TMEM232: variants seen among roughly 807,000 people sequenced by gnomAD.
The protein encoded by TMEM232 is transmembrane protein 232.
TMEM232 carries 80 observed loss-of-function variants against 78.8 expected under a neutral mutation model. The ratio of observed to expected loss-of-function variants is 1.01; its 90% confidence interval spans 0.85 to 1.22. TMEM232 has a LOEUF of 1.22. Among genes scored for constraint, TMEM232 ranks in the 50% most tolerant of loss-of-function variants. The probability of loss-of-function intolerance (pLI) is 0.00; values close to 1 mark genes in which losing one functional copy is unlikely to be tolerated. For missense variants in TMEM232, 881 were observed against 742.2 expected (o/e 1.19, Z -2.17); for synonymous variants, 297 against 254.3 (o/e 1.17, Z -1.60).
chr5:110,646,976 T>A (rs1370803087), intron 2 of TMEM232, among the ~76,000 whole-genome samples: 2 of 151,766 alleles, frequency 1.3e-5, no homozygotes, highest in Non-Finnish European at 3.0e-5. Flanking sequence ...TTCAACTATT[T>A]TAAATTATCA....
At chr5:110,704,941 G>A (rs1038546418) in intron 1 of TMEM232, among the ~76,000 whole-genome samples, 1 of 152,066 alleles carries the variant, frequency 6.6e-6, no homozygotes, top group Admixed American at 6.6e-5. Context: ...CCTTATTTTT[G>A]TGACTGGAGG....
chr5:110,638,834 C>T (rs570283339), intron 4 of TMEM232, among the ~76,000 whole-genome samples: 14 of 152,120 alleles, frequency 9.2e-5, no homozygotes, highest in Admixed American at 6.5e-5. Context: ...AGGCCACACA[C>T]ATCGTGGTGG....
intron 11 of TMEM232, among the ~76,000 whole-genome samples, chr5:110,543,631 A>G (rs1399879652): frequency 6.6e-6 from 1 of 151,972 alleles, no homozygotes; most frequent in African/African-American, 2.4e-5. Context: ...AGTTTTATGG[A>G]GGTTAACGCA....
At chr5:110,485,434 C>A (rs918106825) in intron 12 of TMEM232, among the ~76,000 whole-genome samples, 1 of 152,036 alleles carries the variant, frequency 6.6e-6, no homozygotes, top group Non-Finnish European at 1.5e-5. Context: ...TATTTGTAGT[C>A]TTTTAATCCC....
downstream of TMEM232, among the ~76,000 whole-genome samples, chr5:110,418,718 C>T (rs201189141): frequency 7.2e-5 from 11 of 152,082 alleles, no homozygotes; most frequent in East Asian, 9.6e-4. Flanking sequence ...GGTAGAAATA[C>T]GCTAATCAGA....
At chr5:110,454,966 C>T (rs311731) in intron 12 of TMEM232, among the ~76,000 whole-genome samples, 1 of 149,728 alleles carries the variant, frequency 6.7e-6, no homozygotes, top group African/African-American at 2.4e-5. Context: ...AACAGGGAGA[C>T]AATACAAATT....
At chr5:110,470,886 G>A (rs1246056385) in intron 12 of TMEM232, among the ~76,000 whole-genome samples, 1 of 151,994 alleles carries the variant, frequency 6.6e-6, no homozygotes, top group Non-Finnish European at 1.5e-5. Flanking sequence ...CCAGTAACAG[G>A]TCCCAAAGAA....
intron 11 of TMEM232, among the ~76,000 whole-genome samples, chr5:110,562,360 T>A (rs1008102175): frequency 7.9e-5 from 12 of 152,088 alleles, no homozygotes; most frequent in African/African-American, 2.2e-4. Context: ...AGTGTTCTTA[T>A]CTCTGCATGG....
chr5:110,525,565 A>G (rs1581078310), intron 12 of TMEM232, among the ~76,000 whole-genome samples: 1 of 152,120 alleles, frequency 6.6e-6, no homozygotes, highest in Non-Finnish European at 1.5e-5. Flanking sequence ...ATGGAAATAC[A>G]TGCCATATTG....
chr5:110,680,412 A>C (rs1321008140), intron 1 of TMEM232, among the ~76,000 whole-genome samples: 1 of 150,468 alleles, frequency 6.6e-6, no homozygotes, highest in African/African-American at 2.4e-5. Context: ...AAAAAAAAAA[A>C]AAAAAAAAAG....
At chr5:110,674,742 A>T (rs1305393193) in intron 1 of TMEM232, among the ~76,000 whole-genome samples, 1 of 152,242 alleles carries the variant, frequency 6.6e-6, no homozygotes, top group Admixed American at 6.5e-5. Flanking sequence ...TTTGCCATGT[A>T]TTCAGCACTG....
At chr5:110,585,027 T>C (rs1263584787) in intron 10 of TMEM232, among the ~76,000 whole-genome samples, 1 of 152,146 alleles carries the variant, frequency 6.6e-6, no homozygotes. Flanking sequence ...ACAGGTGGAT[T>C]TTAGACCACT....
intron 10 of TMEM232, among the ~76,000 whole-genome samples, chr5:110,583,982 A>G (rs552664002): frequency 1.1e-3 from 161 of 151,196 alleles, no homozygotes; most frequent in Middle Eastern, 3.4e-3. Context: ...AAAAAAAAAA[A>G]AAGAAGAAAA....
chr5:110,559,723 G>A (rs1003688458), intron 11 of TMEM232, among the ~76,000 whole-genome samples: 1 of 152,256 alleles, frequency 6.6e-6, no homozygotes, highest in Non-Finnish European at 1.5e-5. Context: ...TGAGAACAAA[G>A]TACCACAAAA....
intron 8 of TMEM232, among the ~76,000 whole-genome samples, chr5:110,611,269 T>C (rs978153983): frequency 6.6e-6 from 1 of 152,182 alleles, no homozygotes; most frequent in African/African-American, 2.4e-5. Context: ...TCTTGATTTT[T>C]ACTGCTTAGG....
rs61351197 is a variant in TMEM232, at chr5:110,473,890, C to CAA, written c.1704-48976_1704-48975dup. 9.5e-3 allele frequency among the ~76,000 whole-genome samples: 135 copies of CAA among 14,222 alleles called. 12 individuals are homozygous for CAA. The highest frequency in any genetic ancestry group is 0.015 in the Non-Finnish European group (107 of 6,960). The allele number at this position is 14,222 out of a possible 152,430, so 9.3% of individuals were successfully genotyped here. ...CTGTTAAGTGAAATAAGCCAGACACCAAAAAAAAAAAAAAAAAAAAAAAAA... is the reference window on the plus strand; with the variant it reads ...CTGTTAAGTGAAATAAGCCAGACACCAAAAAAAAAAAAAAAAAAAAAAAAAAA... On this transcript the variant is annotated intron_variant, in intron 12 of 13. Coordinates refer to ENST00000455884, the MANE Select transcript of TMEM232 (RefSeq NM_001039763.4).
chr5:110,557,969 GC>G (rs2149644156), intron 11 of TMEM232, among the ~76,000 whole-genome samples: 1 of 152,234 alleles, frequency 6.6e-6, no homozygotes, highest in South Asian at 2.1e-4. Context: ...ATGGGCTTTT[GC>G]TTTTATATTT....
chr5:110,535,619 GCTC>G (rs778481530), intron 11 of TMEM232, among the ~76,000 whole-genome samples: 118 of 152,204 alleles, frequency 7.8e-4, no homozygotes, highest in Non-Finnish European at 1.5e-3. Flanking sequence ...CCAAAAAAGA[GCTC>G]CTCCTTTTTT....
chr5:110,595,148 T>A (rs1034339118), intron 10 of TMEM232, among the ~76,000 whole-genome samples: 1 of 152,170 alleles, frequency 6.6e-6, no homozygotes, highest in Non-Finnish European at 1.5e-5. Context: ...GGAGTGGACC[T>A]CCAGCAAACT....
Sources: allele counts gnomAD v4.1 joint callset (sites outside exome capture counted in the v4.1 genomes callset), GRCh38; gene constraint gnomAD v4.1.1; transcripts MANE v1.5; gene names NCBI Gene and HGNC (gene_info 2026-07-23, HGNC 2026-07-21).